ABHD18: variants seen among roughly 807,000 people sequenced by gnomAD.
ABHD18 encodes abhydrolase domain containing 18.
Under a neutral mutation model 65.9 loss-of-function variants are expected in ABHD18, and 55 were observed. The ratio of observed to expected loss-of-function variants is 0.84; its 90% confidence interval spans 0.67 to 1.05. The LOEUF is 1.05. Among genes scored for constraint, ABHD18 ranks in the 50% least tolerant of loss-of-function variants. The probability of loss-of-function intolerance (pLI) is 0.00; values close to 1 mark genes in which losing one functional copy is unlikely to be tolerated. For synonymous variants in ABHD18, 181 were observed against 180.2 expected, an observed-to-expected ratio of 1.00 and a Z score of -0.04; for missense variants, 533 against 558.5, an observed-to-expected ratio of 0.95 and a Z score of 0.46.
intron 1 of ABHD18, among the ~76,000 whole-genome samples, chr4:127,979,538 A>T (rs115630077): frequency 1.3e-5 from 2 of 151,372 alleles, no homozygotes; most frequent in East Asian, 4.0e-4. Flanking sequence ...GTGGGCGACA[A>T]TGCGAGACTC....
At chr4:127,996,810 A>T (rs1475043524) in intron 4 of ABHD18, among the ~76,000 whole-genome samples, 3 of 152,196 alleles carry the variant, frequency 2.0e-5, no homozygotes, top group African/African-American at 7.2e-5. Context: ...GAATTCAGCG[A>T]TATTTCTCCT....
intron 4 of ABHD18, among the ~76,000 whole-genome samples, chr4:127,999,968 A>G (rs1023698806): frequency 3.9e-5 from 6 of 152,222 alleles, no homozygotes; most frequent in African/African-American, 1.2e-4. Flanking sequence ...AGGCCCCACA[A>G]TCATGGCGGA....
intron 2 of ABHD18, 46 bp downstream of exon 2, chr4:127,983,093 T>C: frequency 1.5e-6 from 2 of 1,313,174 alleles, no homozygotes; most frequent in South Asian, 1.3e-5. Context: ...TTTGTTGTTT[T>C]AATGAACATT....
rs547577940 is a variant in ABHD18, at chr4:127,978,030, A to G, written c.-17-4909A>G. Reference sequence around the variant, plus strand: ...ATATGGATTGAACACTCTATTAAATAATTACATTGCCAGTGGTGTATTTTA... The same window carrying G: ...ATATGGATTGAACACTCTATTAAATGATTACATTGCCAGTGGTGTATTTTA... On this transcript the variant is annotated intron_variant, in intron 1 of 12. Transcript: ENST00000645843. Among the ~76,000 whole-genome samples, 4 of 152,268 alleles carry G rather than the reference A, an allele frequency of 2.6e-5. No individual in the cohort carries two copies. In the South Asian group the frequency reaches 8.3e-4, roughly 32 times the overall value.
chr4:127,987,619 G>A (rs773764887), intron 3 of ABHD18, among the ~76,000 whole-genome samples: 13 of 151,812 alleles, frequency 8.6e-5, no homozygotes, highest in Non-Finnish European at 1.6e-4. Context: ...GGCTGAAGCA[G>A]GAGAATTGCT....
intron 4 of ABHD18, among the ~76,000 whole-genome samples, chr4:127,999,678 C>T (rs935529336): frequency 5.3e-5 from 8 of 152,000 alleles, no homozygotes; most frequent in Non-Finnish European, 2.9e-5. Context: ...TTATAGATTC[C>T]GGATATTAGA....
intron 10 of ABHD18, 143 bp from the exon 11 acceptor site, chr4:128,028,329 CATA>C: frequency 1.7e-6 from 1 of 595,256 alleles, no homozygotes; most frequent in Non-Finnish European, 2.7e-6. Flanking sequence ...TTTAAGACTG[CATA>C]ATGTTTAATT....
intron 4 of ABHD18, among the ~76,000 whole-genome samples, chr4:128,003,164 C>T (rs1271347086): frequency 2.0e-5 from 3 of 151,586 alleles, no homozygotes; most frequent in African/African-American, 4.8e-5. Flanking sequence ...GTCAGGAGTT[C>T]GAGACCAGCC....
Position 127,998,246 on chromosome 4 carries a change from T to C in ABHD18, c.278+8425T>C, listed in dbSNP as rs1752066133. On this transcript the variant is annotated intron_variant, in intron 4 of 12. Coordinates refer to ENST00000645843, the MANE Select transcript of ABHD18 (RefSeq NM_001358451.3). ...TCTCTCTTTCTTTGACATGGTCTCATTTGTCTTATCCTTTGTAAATTTTTC... is the reference window on the plus strand; with the variant it reads ...TCTCTCTTTCTTTGACATGGTCTCACTTGTCTTATCCTTTGTAAATTTTTC... Among the ~76,000 whole-genome samples, 4 of 151,784 alleles carry C rather than the reference T, an allele frequency of 2.6e-5. No individual in the cohort carries two copies. The South Asian group carries it at 8.3e-4, about 32-fold the overall frequency.
chr4:128,019,290 A>G (rs866693815), intron 8 of ABHD18, among the ~76,000 whole-genome samples: 1 of 152,118 alleles, frequency 6.6e-6, no homozygotes, highest in Admixed American at 6.6e-5. Context: ...CCGATTATCT[A>G]TAGAACAAAG....
chr4:128,017,529 T>A (rs1018973060), intron 8 of ABHD18, 28 bp downstream of exon 8: 1 of 1,561,716 alleles, frequency 6.4e-7, no homozygotes, highest in Non-Finnish European at 8.6e-7. Flanking sequence ...TGCTTACATT[T>A]AATTATGTTT....
chr4:128,033,959 C>CTTTTTTTTTTTTTT (rs996416880), intron 12 of ABHD18, among the ~76,000 whole-genome samples: 2 of 123,438 alleles, frequency 1.6e-5, no homozygotes, highest in Non-Finnish European at 3.5e-5. Flanking sequence ...TTTCTTTTTT[C>CTTTTTTTTTTTTTT]TTTTTTTTTT....
intron 7 of ABHD18, among the ~76,000 whole-genome samples, chr4:128,014,437 G>A (rs1437189311): frequency 6.6e-6 from 1 of 152,122 alleles, no homozygotes; most frequent in Non-Finnish European, 1.5e-5. Context: ...GAGTCATACA[G>A]GCATAGGTTG....
At chr4:127,979,016 TG>T (rs1270753396) in intron 1 of ABHD18, among the ~76,000 whole-genome samples, 1 of 152,216 alleles carries the variant, frequency 6.6e-6, no homozygotes, top group Non-Finnish European at 1.5e-5. Context: ...ATGGTAAGTA[TG>T]TAAGTCAAAC....
In ABHD18 at chr4:128,036,158, T is replaced by G. The variant is rs944291149; in HGVS notation, c.*345T>G. 1 of 160,756 alleles carries G rather than the reference T, an allele frequency of 6.2e-6. No homozygotes were observed. Among genetic ancestry groups the G allele is most frequent in the South Asian group, 2.0e-4 (1 of 4,914 alleles). 10.0% of individuals were successfully genotyped at this position (160,756 alleles called of 1,614,324 possible). A position where few individuals can be genotyped will look rare whatever the true frequency, so the allele number is the denominator to read the frequency against. Reference sequence around the variant, plus strand: ...TTATTCATAGAAACTTTTCTGGGTTTTAGTAAAATTGCTAAATCAAACCAA... The same window carrying G: ...TTATTCATAGAAACTTTTCTGGGTTGTAGTAAAATTGCTAAATCAAACCAA... On this transcript the variant is annotated 3_prime_UTR_variant, in exon 13 of 13. Coordinates refer to ENST00000645843, the MANE Select transcript of ABHD18 (RefSeq NM_001358451.3).
At position 128,039,049 on chromosome 4, in the gene ABHD18, G is replaced by A. The variant is rs1000674425; in HGVS notation, c.*3236G>A. 2 of 146,518 alleles carry A rather than the reference G, an allele frequency of 1.4e-5. No individual in the cohort carries two copies. The highest frequency in any genetic ancestry group is 3.0e-5 in the Non-Finnish European group (2 of 67,154). 9.1% of individuals were successfully genotyped at this position (146,518 alleles called of 1,614,324 possible). A position where few individuals can be genotyped will look rare whatever the true frequency, so the allele number is the denominator to read the frequency against. On this transcript the variant is annotated 3_prime_UTR_variant, in exon 13 of 13. Coordinates refer to ENST00000645843, the MANE Select transcript of ABHD18 (RefSeq NM_001358451.3). ...CAAATACATAAATATACACATATAC[G>A]TATATGTATACGTTTTATATATATA...
At chr4:128,025,600 G>A (rs925372860) in intron 10 of ABHD18, among the ~76,000 whole-genome samples, 2 of 152,186 alleles carry the variant, frequency 1.3e-5, no homozygotes, top group South Asian at 4.1e-4. Context: ...GTGCTGCAGT[G>A]AGTAACTTTG....
At chr4:128,026,720 G>A (rs2169270) in intron 10 of ABHD18, among the ~76,000 whole-genome samples, 4,610 of 151,716 alleles carry the variant, frequency 0.03, 102 homozygotes, top group Non-Finnish European at 0.048. Context: ...GCATAACAAT[G>A]CTTCAGTCAC....
At chr4:128,005,803 A>G (rs1245617094) in intron 4 of ABHD18, among the ~76,000 whole-genome samples, 13 of 151,418 alleles carry the variant, frequency 8.6e-5, no homozygotes, top group African/African-American at 2.9e-4. Flanking sequence ...GAAGCCATGA[A>G]GATCCAAGAG....
Sources: gnomAD v4.1 joint callset for allele counts (sites outside exome capture counted in the v4.1 genomes callset) on GRCh38, gnomAD v4.1.1 for gene constraint, MANE v1.5 for transcripts, NCBI Gene and HGNC (gene_info 2026-07-23, HGNC 2026-07-21) for gene names.